The following MCPH1 variants were observed in gnomAD, a reference collection of about 807,000 sequenced individuals.
The protein encoded by MCPH1 is microcephalin.
In MCPH1, 104 loss-of-function variants were observed where a neutral mutation model predicts 84.5. The ratio of observed to expected loss-of-function variants is 1.23; its 90% CI spans 1.05 to 1.45. The LOEUF (loss-of-function observed/expected upper bound fraction) is 1.45, where lower values mean the gene tolerates loss of function less well. Ranked by LOEUF, MCPH1 falls within the 40% of genes most tolerant of loss-of-function variation. MCPH1 has a pLI of 0.00. For missense variants in MCPH1, 1,498 were observed against 1,005.7 expected (o/e 1.49, Z -6.62); for synonymous variants, 514 against 366.8 (o/e 1.40, Z -4.58).
At chr8:6,447,615 A>G (rs1804588581) in intron 8 of MCPH1, among the ~76,000 whole-genome samples, 2 of 152,158 alleles carry the variant, frequency 1.3e-5, no homozygotes, top group Non-Finnish European at 2.9e-5. Context: ...CAGTGGCACA[A>G]TCTCAGCTCA....
intron 12 of MCPH1, among the ~76,000 whole-genome samples, chr8:6,619,622 T>C (rs977904070): frequency 4.0e-5 from 6 of 151,854 alleles, no homozygotes; most frequent in African/African-American, 4.8e-5. Flanking sequence ...GTTGCTCTTA[T>C]TGCCCAGGCT....
intron 12 of MCPH1, among the ~76,000 whole-genome samples, chr8:6,533,285 C>A (rs1393992596): frequency 6.6e-6 from 1 of 152,200 alleles, no homozygotes; most frequent in African/African-American, 2.4e-5. Context: ...CATTTCACTG[C>A]CATTGGTATA....
At chr8:6,527,469 A>G (rs1818545054) in intron 12 of MCPH1, 4 of 1,505,760 alleles carry the variant, frequency 2.7e-6, no homozygotes, top group Non-Finnish European at 2.7e-6. Context: ...GAAACTCACC[A>G]TTCTGATAAT....
In MCPH1 at chr8:6,414,858, C is replaced by A. The variant is rs771555365; in HGVS notation, c.208C>A (p.Leu70Ile). 9.9e-6 allele frequency: 16 copies of A among 1,613,500 alleles called. No individual in the cohort carries two copies. Among genetic ancestry groups the A allele is most frequent in the Middle Eastern group, 3.3e-4 (2 of 6,084 alleles). The stretch of plus-strand genomic sequence containing the variant: ...CAAAGCTCAGAAGAGAGGCGTAAAG[C>A]TCGTTTCGGTGCTCTGGGTGGAAAA... ...WDKAQKRGVK[L>I]VSVLWVEKCR... Residue 70 changes from leucine (L) to isoleucine (I), a missense_variant, in exon 3 of 14, where the codon CTC becomes ATC. Physicochemically the swap from Leu to Ile is conservative, Grantham distance 5. Coordinates refer to ENST00000344683, the MANE Select transcript of MCPH1 (RefSeq NM_024596.5).
intron 12 of MCPH1, among the ~76,000 whole-genome samples, chr8:6,613,502 C>CGGGAGT (rs1009017166): frequency 6.6e-6 from 1 of 151,498 alleles, no homozygotes; most frequent in African/African-American, 2.4e-5. Flanking sequence ...GGGGTGAAGG[C>CGGGAGT]GGGAGTCAGT....
chr8:6,444,282 C>A, intron 7 of MCPH1, 111 bp from the exon 8 acceptor site: 1 of 1,258,166 alleles, frequency 7.9e-7, no homozygotes, highest in Non-Finnish European at 1.1e-6. Context: ...GGTTAATAGT[C>A]TTCTTAACTA....
rs200513127 is a variant in MCPH1, at chr8:6,444,870, C to T, written c.1148C>T (p.Pro383Leu). 1.2e-5 allele frequency: 19 copies of T among 1,614,104 alleles called. No homozygotes were observed. Among genetic ancestry groups the T allele is most frequent in the Middle Eastern group, 1.6e-4 (1 of 6,062 alleles). The change falls in exon 8 of 14, where the codon CCG becomes CTG. Residue 383 changes from proline to leucine, a missense_variant. By Grantham distance (98) the Pro-to-Leu change is moderately conservative (BLOSUM62 -3). Coordinates refer to ENST00000344683, the MANE Select transcript of MCPH1 (RefSeq NM_024596.5). ...AGGAGCACCAGGAGATCTATCATGC[C>T]GAGGCTGCAGCTGTGCAGGTCGGAA... ...RKRSTRRSIM[P>L]RLQLCRSEDR...
At position 6,457,838 on chromosome 8, in the gene MCPH1, C is replaced by T. The variant is rs139187672; in HGVS notation, c.1935+2586C>T. On this transcript the variant is annotated intron_variant, in intron 9 of 13. Coordinates refer to ENST00000344683, the MANE Select transcript of MCPH1 (RefSeq NM_024596.5). ...CCAGTCCTTATTAGTGTTCACCGCA[C>T]AGCCTTTGCTTGAATGAATCAAAAA... 7.3e-4 allele frequency among the ~76,000 whole-genome samples: 111 copies of T among 152,006 alleles called. 1 individual carries two copies. The highest frequency in any genetic ancestry group is 2.6e-3 in the African/African-American group (108 of 41,324).
chr8:6,636,946 TTTC>T (rs1797601145), intron 13 of MCPH1, among the ~76,000 whole-genome samples: 1 of 152,244 alleles, frequency 6.6e-6, no homozygotes, highest in Non-Finnish European at 1.5e-5. Flanking sequence ...AACGGCAGAC[TTTC>T]TTGTCTGTGA....
rs531728311 is a variant in MCPH1, at chr8:6,407,850, G to T, written c.22+1161G>T. Among the ~76,000 whole-genome samples the T allele has an allele frequency of 2.0e-5, 3 of 152,242 alleles. No individual in the cohort carries two copies. The South Asian group carries it at 6.2e-4, about 32-fold the overall frequency. On this transcript the variant is annotated intron_variant, in intron 1 of 13. Coordinates refer to ENST00000344683, the MANE Select transcript of MCPH1 (RefSeq NM_024596.5). ...TGCCTGTTTTTGTAAGGGTCTACGA[G>T]CTAAGAATGTCTTTTACATTTTTAA... is the stretch of plus-strand genomic sequence containing the variant.
At chr8:6,538,163 G>A (rs1440568173) in intron 12 of MCPH1, among the ~76,000 whole-genome samples, 2 of 151,362 alleles carry the variant, frequency 1.3e-5, no homozygotes, top group Non-Finnish European at 2.9e-5. Context: ...CATTTTTCTA[G>A]TAAACCCTTG....
At chr8:6,432,380 C>G (rs1801968694) in intron 4 of MCPH1, among the ~76,000 whole-genome samples, 1 of 151,840 alleles carries the variant, frequency 6.6e-6, no homozygotes, top group African/African-American at 2.4e-5. Context: ...AATTTTTTTT[C>G]TTTTGAATAT....
intron 9 of MCPH1, chr8:6,474,051 C>T (rs1808116764): frequency 2.6e-5 from 21 of 808,486 alleles, no homozygotes; most frequent in South Asian, 9.8e-5. Context: ...TGAAGTATTT[C>T]GTACAATATG....
chr8:6,426,470 C>A (rs1341868558), intron 3 of MCPH1, among the ~76,000 whole-genome samples: 1 of 152,242 alleles, frequency 6.6e-6, no homozygotes, highest in African/African-American at 2.4e-5. Flanking sequence ...TGCCTGACAT[C>A]ACTGAAGGTG....
At chr8:6,408,123 A>G (rs1030788832) in intron 1 of MCPH1, among the ~76,000 whole-genome samples, 2 of 152,208 alleles carry the variant, frequency 1.3e-5, no homozygotes, top group African/African-American at 4.8e-5. Flanking sequence ...GAATTTGGGG[A>G]AAGCAACTAA....
intron 12 of MCPH1, among the ~76,000 whole-genome samples, chr8:6,537,403 A>T (rs1398574665): frequency 6.6e-6 from 1 of 152,028 alleles, no homozygotes. Flanking sequence ...TTTAACATTG[A>T]GGGCCACAGT....
At chr8:6,477,052 C>G (rs1007680758) in intron 9 of MCPH1, among the ~76,000 whole-genome samples, 1 of 58,400 alleles carries the variant, frequency 1.7e-5, no homozygotes, top group Non-Finnish European at 3.2e-5. Flanking sequence ...AAAAATTAAA[C>G]ATTTTATTTA....
chr8:6,466,802 C>T (rs1187308075), intron 9 of MCPH1, among the ~76,000 whole-genome samples: 2 of 151,894 alleles, frequency 1.3e-5, no homozygotes, highest in Admixed American at 6.6e-5. Flanking sequence ...TCTCAAACTC[C>T]TGACCTCAAG....
At chr8:6,434,092 C>T (rs932611641) in intron 4 of MCPH1, among the ~76,000 whole-genome samples, 12 of 152,180 alleles carry the variant, frequency 7.9e-5, no homozygotes, top group African/African-American at 2.4e-4. Context: ...CCAGCAGTTC[C>T]TTCCCACTTG....
Sources: gnomAD v4.1 joint callset for allele counts (sites outside exome capture counted in the v4.1 genomes callset) on GRCh38, gnomAD v4.1.1 for gene constraint, MANE v1.5 for transcripts, NCBI Gene and HGNC (gene_info 2026-07-23, HGNC 2026-07-21) for gene names.